The following MYO16 variants were observed in gnomAD, a reference collection of about 807,000 sequenced individuals.
MYO16 encodes the protein unconventional myosin-XVI.
In MYO16, 94 loss-of-function variants were observed where a neutral mutation model predicts 205.3. That is an observed-to-expected ratio of 0.46 (90% CI 0.39 to 0.54). MYO16 has a LOEUF of 0.54. Ranked by LOEUF, MYO16 falls within the 20% of genes least tolerant of loss-of-function variation. MYO16 has a pLI of 0.00. For synonymous variants in MYO16, 988 were observed against 954.0 expected (o/e 1.04, Z -0.66); for missense variants, 2,315 against 2,387.5 (o/e 0.97, Z 0.63).
At chr13:108,741,020 G>C (rs144890069) in intron 4 of MYO16, among the ~76,000 whole-genome samples, 1 of 152,084 alleles carries the variant, frequency 6.6e-6, no homozygotes, top group Admixed American at 6.6e-5. Context: ...CGATTTTCCA[G>C]GTGCTGTCTG....
rs776494558 is a variant in MYO16 at position 108,898,522 on chromosome 13, C to T, written c.1777+389C>T. ...AATGAGAAACCAAACCCAGACCAAA[C>T]GTAGCTGAATTATCCTTGCTGAACA... On this transcript the variant is annotated intron_variant, in intron 15 of 34. Coordinates refer to ENST00000457511, the MANE Select transcript of MYO16 (RefSeq NM_001198950.3). 9.2e-5 allele frequency among the ~76,000 whole-genome samples: 14 copies of T among 152,118 alleles called. No homozygotes were observed. In the East Asian group the frequency reaches 1.7e-3, roughly 19 times the overall value.
intron 11 of MYO16, among the ~76,000 whole-genome samples, chr13:108,857,991 A>T (rs1182009940): frequency 2.0e-5 from 3 of 152,198 alleles, no homozygotes; most frequent in Non-Finnish European, 4.4e-5. Flanking sequence ...ATCGATTAGG[A>T]TCAATTTTGT....
chr13:108,893,574 C>G (rs1394710192), intron 14 of MYO16, among the ~76,000 whole-genome samples: 1 of 151,936 alleles, frequency 6.6e-6, no homozygotes, highest in African/African-American at 2.4e-5. Context: ...CTTGAACAGC[C>G]TTGATTTATG....
chr13:108,780,353 C>A (rs1394539169), intron 4 of MYO16, among the ~76,000 whole-genome samples: 2 of 58,824 alleles, frequency 3.4e-5, no homozygotes, highest in Admixed American at 2.5e-4. Flanking sequence ...TTACTGACGT[C>A]TGATTTAAAA....
chr13:108,725,000 A>G (rs565204946), intron 3 of MYO16, among the ~76,000 whole-genome samples: 2 of 151,996 alleles, frequency 1.3e-5, no homozygotes, highest in South Asian at 4.2e-4. Context: ...TTAAAAAATC[A>G]TTTTTCTTTC....
intron 17 of MYO16, among the ~76,000 whole-genome samples, chr13:108,959,803 T>C (rs1883512517): frequency 6.6e-6 from 1 of 151,356 alleles, no homozygotes. Flanking sequence ...CAGGAAGGAG[T>C]TTATTTTTAC....
intron 32 of MYO16, among the ~76,000 whole-genome samples, chr13:109,161,825 T>C (rs1878400655): frequency 1.3e-5 from 2 of 152,248 alleles, no homozygotes; most frequent in Non-Finnish European, 1.5e-5. Flanking sequence ...CCGAGCACAG[T>C]GGCTCATGTC....
the MYO16 span, among the ~76,000 whole-genome samples, chr13:108,502,989 T>C: frequency 6.6e-6 from 1 of 152,226 alleles, no homozygotes; most frequent in South Asian, 2.1e-4. Context: ...ATATTGAGTG[T>C]AGCTTGCTAT....
chr13:108,976,401 G>T (rs567254777), intron 20 of MYO16, among the ~76,000 whole-genome samples: 1 of 152,284 alleles, frequency 6.6e-6, no homozygotes, highest in East Asian at 1.9e-4. Context: ...CTGAAGCAGG[G>T]ATTGAACACA....
chr13:108,569,766 T>C, the MYO16 span, among the ~76,000 whole-genome samples: 3 of 152,204 alleles, frequency 2.0e-5, no homozygotes, highest in Non-Finnish European at 4.4e-5. Flanking sequence ...TTAAGTAGTA[T>C]ATTAGCTCTG....
At chr13:109,119,050 G>A (rs1298642937) in intron 28 of MYO16, among the ~76,000 whole-genome samples, 1 of 145,924 alleles carries the variant, frequency 6.9e-6, no homozygotes, top group Admixed American at 6.7e-5. Context: ...TGGCAAAACT[G>A]TGTTTTATTA....
intron 10 of MYO16, among the ~76,000 whole-genome samples, chr13:108,852,263 T>C (rs1021405453): frequency 6.6e-5 from 10 of 152,176 alleles, no homozygotes; most frequent in Non-Finnish European, 1.5e-4. Flanking sequence ...ACATCATTCC[T>C]TTTTTCCTCT....
intron 27 of MYO16, among the ~76,000 whole-genome samples, chr13:109,097,570 C>T (rs1888818510): frequency 6.6e-6 from 1 of 152,298 alleles, no homozygotes; most frequent in Non-Finnish European, 1.5e-5. Context: ...CTTCAGTACA[C>T]GGCGTGTAAG....
intron 16 of MYO16, among the ~76,000 whole-genome samples, chr13:108,951,215 T>C (rs553997152): frequency 2.6e-5 from 4 of 152,330 alleles, no homozygotes; most frequent in African/African-American, 9.6e-5. Flanking sequence ...GAGAAACCCC[T>C]GTAGATGGGT....
In MYO16 at chr13:109,055,196, T is replaced by A. The variant is rs1001768988; in HGVS notation, c.3129+70T>A. On this transcript the variant is annotated intron_variant, in intron 26 of 34. Coordinates refer to ENST00000457511, the MANE Select transcript of MYO16 (RefSeq NM_001198950.3). The surrounding 1 kb of genome is among the most constrained non-coding windows in gnomAD (Gnocchi z 5.0). ...GCAACTAAAGAGGGTTTATGTAGAC[T>A]TTTTTTTCCATTTTTGACAACTTAA... 9 of 1,307,306 alleles carry A rather than the reference T, an allele frequency of 6.9e-6. No homozygotes were observed. The highest frequency in any genetic ancestry group is 1.4e-5 in the South Asian group (1 of 73,084). 81.0% of individuals were successfully genotyped at this position (1,307,306 alleles called of 1,614,324 possible).
chr13:108,850,500 A>G (rs1224062036), intron 10 of MYO16, among the ~76,000 whole-genome samples: 1 of 152,210 alleles, frequency 6.6e-6, no homozygotes, highest in Non-Finnish European at 1.5e-5. Flanking sequence ...TAGAATAAAA[A>G]CCATAATGGT....
intron 1 of MYO16, among the ~76,000 whole-genome samples, chr13:108,637,095 CAT>C (rs1433140477): frequency 2.0e-5 from 3 of 152,232 alleles, no homozygotes; most frequent in Non-Finnish European, 4.4e-5. Context: ...TATATACACA[CAT>C]ATGATATATA....
At position 108,834,509 on chromosome 13, in the gene MYO16, A is replaced by G. The variant is rs1462679953; in HGVS notation, c.1098-9834A>G. Reference sequence around the variant, plus strand: ...AAAGGGAGTTCAGAGGACTAGAGATAGTCCAAAGTTGAGCTGAGAGAAGAA... The same window carrying G: ...AAAGGGAGTTCAGAGGACTAGAGATGGTCCAAAGTTGAGCTGAGAGAAGAA... On this transcript the variant is annotated intron_variant, in intron 9 of 34. Transcript: ENST00000457511. Among the ~76,000 whole-genome samples, 3 of 152,096 alleles carry G rather than the reference A, an allele frequency of 2.0e-5. 1 individual carries two copies. The highest frequency in any genetic ancestry group is 7.3e-5 in the African/African-American group (3 of 41,362).
intron 34 of MYO16, chr13:109,201,545 T>C (rs915201089): frequency 1.3e-5 from 2 of 151,082 alleles, no homozygotes; most frequent in African/African-American, 4.9e-5. Context: ...AGAGGTTTGA[T>C]GACAAATTCC....
Sources: gnomAD v4.1 joint callset for allele counts (sites outside exome capture counted in the v4.1 genomes callset) on GRCh38, gnomAD v4.1.1 for gene constraint, Gnocchi (gnomAD v3.1) non-coding constraint, MANE v1.5 for transcripts, NCBI Gene and HGNC (gene_info 2026-07-23, HGNC 2026-07-21) for gene names.